RYK: variants seen among roughly 807,000 people sequenced by gnomAD.
RYK encodes the protein receptor like tyrosine kinase.
A neutral mutation model predicts 70.2 loss-of-function variants in RYK; 21 were observed. That is an observed-to-expected ratio of 0.30 (90% CI 0.21 to 0.43). The LOEUF (loss-of-function observed/expected upper bound fraction) is 0.43, where lower values mean the gene tolerates loss of function less well. Among genes scored for constraint, RYK ranks in the 20% least tolerant of loss-of-function variants. RYK has a pLI of 1.00. For synonymous variants in RYK, 267 were observed against 278.0 expected, an observed-to-expected ratio of 0.96 and a Z score of 0.39; for missense variants, 604 against 753.3, an observed-to-expected ratio of 0.80 and a Z score of 2.32.
At chr3:134,229,879 T>C (rs1286177058) in intron 1 of RYK, among the ~76,000 whole-genome samples, 1 of 152,144 alleles carries the variant, frequency 6.6e-6, no homozygotes, top group Non-Finnish European at 1.5e-5. Context: ...CCCAAGAGAA[T>C]AACATTGAAC....
intron 13 of RYK, among the ~76,000 whole-genome samples, chr3:134,164,145 TC>T (rs1359668591): frequency 2.6e-5 from 4 of 152,172 alleles, no homozygotes; most frequent in Non-Finnish European, 5.9e-5. Context: ...CTGGATCACA[TC>T]CCTTTAAACA....
chr3:134,180,439 C>T (rs1312236589), intron 10 of RYK: 1 of 152,194 alleles, frequency 6.6e-6, no homozygotes, highest in Admixed American at 6.5e-5. Flanking sequence ...AGCAAACATG[C>T]TGTATTACAT....
intron 1 of RYK, among the ~76,000 whole-genome samples, chr3:134,226,222 A>T (rs2014908516): frequency 6.6e-6 from 1 of 152,166 alleles, no homozygotes; most frequent in South Asian, 2.1e-4. Context: ...ATTACTACAA[A>T]TCCTATAGAT....
intron 13 of RYK, among the ~76,000 whole-genome samples, chr3:134,163,273 C>T (rs936293425): frequency 7.2e-5 from 11 of 152,118 alleles, no homozygotes; most frequent in Admixed American, 6.5e-4. Flanking sequence ...GACAAAATGG[C>T]GCAGAGATGA....
At chr3:134,201,712 G>A (rs2014028351) in intron 6 of RYK, among the ~76,000 whole-genome samples, 2 of 152,112 alleles carry the variant, frequency 1.3e-5, no homozygotes, top group Admixed American at 6.6e-5. Flanking sequence ...AGTGTGGGGC[G>A]AAAGTGAGGA....
intron 2 of RYK, among the ~76,000 whole-genome samples, chr3:134,219,932 A>C (rs2107684104): frequency 6.6e-6 from 1 of 152,356 alleles, no homozygotes; most frequent in Non-Finnish European, 1.5e-5. Context: ...ATAGTTTCAA[A>C]TTATCTCCCC....
intron 2 of RYK, among the ~76,000 whole-genome samples, chr3:134,215,702 C>G (rs899912381): frequency 1.6e-4 from 24 of 152,114 alleles, no homozygotes; most frequent in African/African-American, 5.8e-4. Context: ...ATTTGAACAG[C>G]AGTTGTTTAT....
chr3:134,236,076 T>A (rs917512269), intron 1 of RYK, among the ~76,000 whole-genome samples: 1 of 152,028 alleles, frequency 6.6e-6, no homozygotes, highest in East Asian at 1.9e-4. Context: ...CAGGGTAGGT[T>A]CTAATATCCC....
chr3:134,196,917 A>T (rs2013836248), intron 6 of RYK, among the ~76,000 whole-genome samples: 1 of 152,190 alleles, frequency 6.6e-6, no homozygotes, highest in South Asian at 2.1e-4. Context: ...CTCAAGATAC[A>T]TGTTTGCCTA....
At chr3:134,244,130 G>A (rs911285315) in intron 1 of RYK, among the ~76,000 whole-genome samples, 1 of 152,026 alleles carries the variant, frequency 6.6e-6, no homozygotes, top group Non-Finnish European at 1.5e-5. Context: ...GTGGGAGATG[G>A]GGCCTCTTCC....
chr3:134,175,732 A>G lies in RYK; in HGVS notation c.1452T>C (p.Asn484=), dbSNP rs2013078153. The change falls in exon 13 of 15, where the codon AAT becomes AAC. Residue 484 remains asparagine (N), a synonymous_variant. Coordinates refer to ENST00000623711, the MANE Select transcript of RYK (RefSeq NM_002958.4). ...DDTLQVKITD[N]ALSRDLFPMD... ...TGGGGAACAAGTCTCTGGAGAGGGC[A>G]TTGTCTGTGATCTTAACTTGAAGTG... is the stretch of plus-strand genomic sequence containing the variant. 1 of 1,613,838 alleles carries G rather than the reference A, an allele frequency of 6.2e-7. No individual in the cohort carries two copies. Among genetic ancestry groups the G allele is most frequent in the African/African-American group, 1.3e-5 (1 of 74,926 alleles).
intron 1 of RYK, among the ~76,000 whole-genome samples, chr3:134,237,804 A>T (rs2015230651): frequency 6.6e-6 from 1 of 152,234 alleles, no homozygotes; most frequent in Non-Finnish European, 1.5e-5. Context: ...TGTCAGCCAA[A>T]ACACTATTAT....
intron 1 of RYK, among the ~76,000 whole-genome samples, chr3:134,232,987 A>C (rs2015101332): frequency 6.6e-6 from 1 of 152,172 alleles, no homozygotes; most frequent in South Asian, 2.1e-4. Context: ...TGTACCCAGG[A>C]CTCCCTGCTC....
chr3:134,165,296 C>T (rs955713175), intron 13 of RYK, among the ~76,000 whole-genome samples: 2 of 152,194 alleles, frequency 1.3e-5, no homozygotes, highest in South Asian at 2.1e-4. Flanking sequence ...GAATTTTCTA[C>T]ATAAATGATC....
chr3:134,202,916 T>C, intron 5 of RYK, 42 bp from the exon 6 acceptor site: 1 of 1,560,520 alleles, frequency 6.4e-7, no homozygotes, highest in Non-Finnish European at 8.8e-7. Flanking sequence ...TTTAAACAAA[T>C]ATGACTGCTT....
intron 13 of RYK, among the ~76,000 whole-genome samples, chr3:134,161,688 A>G (rs2012475809): frequency 6.6e-6 from 1 of 152,224 alleles, no homozygotes; most frequent in South Asian, 2.1e-4. Context: ...CTTAAAATAC[A>G]AATTACCAAA....
intron 1 of RYK, among the ~76,000 whole-genome samples, chr3:134,233,781 T>C (rs930747552): frequency 2.0e-5 from 3 of 152,174 alleles, no homozygotes; most frequent in Admixed American, 6.5e-5. Context: ...AAAAAGACTA[T>C]GAAGCCATGA....
intron 13 of RYK, among the ~76,000 whole-genome samples, chr3:134,169,471 T>A (rs1389397611): frequency 6.6e-6 from 1 of 152,156 alleles, no homozygotes; most frequent in Non-Finnish European, 1.5e-5. Flanking sequence ...TATCCAGAAA[T>A]TCTTAAGAAT....
intron 1 of RYK, among the ~76,000 whole-genome samples, chr3:134,246,013 A>G (rs892932730): frequency 4.6e-5 from 7 of 152,122 alleles, no homozygotes; most frequent in Non-Finnish European, 1.0e-4. Flanking sequence ...GAATAACCAC[A>G]CTGGAGGAAA....
Sources: allele counts gnomAD v4.1 joint callset (sites outside exome capture counted in the v4.1 genomes callset), GRCh38; gene constraint gnomAD v4.1.1; transcripts MANE v1.5; gene names NCBI Gene and HGNC (gene_info 2026-07-23, HGNC 2026-07-21).